NAA11: variants seen among roughly 807,000 people sequenced by gnomAD.
NAA11 encodes N-alpha-acetyltransferase 11.
A neutral mutation model predicts 16.1 loss-of-function variants in NAA11; 15 were observed. That is an observed-to-expected ratio of 0.93 (90% CI 0.62 to 1.44). The LOEUF (loss-of-function observed/expected upper bound fraction) is 1.44. NAA11 is among the 40% of genes most tolerant of loss of function. The pLI, the probability that NAA11 is intolerant of heterozygous loss-of-function variation, is 0.00. For synonymous variants in NAA11, 122 were observed against 112.4 expected, an observed-to-expected ratio of 1.09 and a Z score of -0.54; for missense variants, 298 against 291.3, an observed-to-expected ratio of 1.02 and a Z score of -0.17.
At chr4:79,216,696 A>G in the NAA11 span, among the ~76,000 whole-genome samples, 1,063 of 152,288 alleles carry the variant, frequency 7.0e-3, 7 homozygotes, top group Middle Eastern at 0.037. Context: ...CAGCAAATAA[A>G]AAGAAAATCT....
intron 1 of NAA11, among the ~76,000 whole-genome samples, chr4:79,319,094 T>C (rs1368164787): frequency 6.6e-6 from 1 of 152,160 alleles, no homozygotes; most frequent in Non-Finnish European, 1.5e-5. Flanking sequence ...CGCTGGCTAA[T>C]GTTTTTTAGT....
At chr4:79,212,938 T>G in the NAA11 span, among the ~76,000 whole-genome samples, 2 of 152,136 alleles carry the variant, frequency 1.3e-5, no homozygotes, top group Admixed American at 6.6e-5. Flanking sequence ...CCATAAAGCT[T>G]TATCTTATCT....
At chr4:79,186,181 C>A in the NAA11 span, among the ~76,000 whole-genome samples, 1 of 152,092 alleles carries the variant, frequency 6.6e-6, no homozygotes, top group Non-Finnish European at 1.5e-5. Flanking sequence ...AAAGGTGTTC[C>A]CCCCGCCTCC....
At position 79,317,667 on chromosome 4, in the gene NAA11, T is replaced by C. The variant is rs577435111; in HGVS notation, c.*137A>G. ...AGGATATGTGAAAGGTGGTTGTTTATAGAGTTAAGAGTGAGAAGCCATTCT... is the reference window on the plus strand; with the variant it reads ...AGGATATGTGAAAGGTGGTTGTTTACAGAGTTAAGAGTGAGAAGCCATTCT... On this transcript the variant is annotated 3_prime_UTR_variant, in exon 2 of 2. Coordinates refer to ENST00000286794, the MANE Select transcript of NAA11 (RefSeq NM_032693.3). 2 of 152,328 alleles carry C rather than the reference T, an allele frequency of 1.3e-5. No homozygotes were observed. Among genetic ancestry groups the C allele is most frequent in the East Asian group, 1.9e-4 (1 of 5,178 alleles). 9.4% of individuals were successfully genotyped at this position (152,328 alleles called of 1,614,324 possible). A position where few individuals can be genotyped will look rare whatever the true frequency, so the allele number is the denominator to read the frequency against.
At chr4:79,319,084 C>T (rs1041548585) in intron 1 of NAA11, among the ~76,000 whole-genome samples, 6 of 152,094 alleles carry the variant, frequency 3.9e-5, no homozygotes, top group East Asian at 3.9e-4. Context: ...TACACCACCA[C>T]GCTGGCTAAT....
the NAA11 span, among the ~76,000 whole-genome samples, chr4:79,193,075 GT>G: frequency 3.3e-5 from 5 of 151,660 alleles, no homozygotes; most frequent in African/African-American, 7.3e-5. Flanking sequence ...TGATGGGGTT[GT>G]TTTTTTCTTG....
chr4:79,254,578 G>A (rs1015506088), intron 2 of NAA11, among the ~76,000 whole-genome samples: 3 of 150,892 alleles, frequency 2.0e-5, no homozygotes, highest in Admixed American at 2.0e-4. Flanking sequence ...GAATTAATTT[G>A]TGAATAAGAT....
At chr4:79,273,007 G>A (rs1468183441) in intron 2 of NAA11, among the ~76,000 whole-genome samples, 1 of 151,862 alleles carries the variant, frequency 6.6e-6, no homozygotes, top group East Asian at 1.9e-4. Flanking sequence ...GCTCTTACAT[G>A]GCATTTGGCT....
intron 1 of NAA11, among the ~76,000 whole-genome samples, chr4:79,311,389 C>T (rs1723765255): frequency 6.6e-6 from 1 of 151,984 alleles, no homozygotes; most frequent in South Asian, 2.1e-4. Flanking sequence ...TTTTTTTCAC[C>T]TTGCCTTTAT....
the NAA11 span, chr4:79,197,590 G>C: frequency 7.9e-5 from 12 of 152,038 alleles, no homozygotes; most frequent in African/African-American, 2.9e-4. Flanking sequence ...CTGCTCCCTA[G>C]CCTGGATAAC....
At chr4:79,263,416 A>G (rs1031251736) in intron 2 of NAA11, among the ~76,000 whole-genome samples, 2 of 152,214 alleles carry the variant, frequency 1.3e-5, no homozygotes, top group African/African-American at 2.4e-5. Flanking sequence ...GAGTTCCTGA[A>G]CAGCAGGCAG....
chr4:79,319,697 T>C (rs375747439), intron 1 of NAA11, among the ~76,000 whole-genome samples: 7 of 152,224 alleles, frequency 4.6e-5, no homozygotes, highest in African/African-American at 1.7e-4. Context: ...ATCTGATTAG[T>C]ATTTCAAAAC....
chr4:79,174,721 C>T, the NAA11 span, among the ~76,000 whole-genome samples: 1 of 152,116 alleles, frequency 6.6e-6, no homozygotes, highest in South Asian at 2.1e-4. Flanking sequence ...TATAAAACAT[C>T]TGTGAATTCT....
At chr4:79,272,073 A>AAC (rs773662807) in intron 2 of NAA11, among the ~76,000 whole-genome samples, 1 of 151,938 alleles carries the variant, frequency 6.6e-6, no homozygotes, top group Admixed American at 6.6e-5. Context: ...ATACATATAC[A>AAC]ACACACACAT....
At chr4:79,268,815 A>G (rs1447650987) in intron 2 of NAA11, among the ~76,000 whole-genome samples, 3 of 149,534 alleles carry the variant, frequency 2.0e-5, no homozygotes, top group African/African-American at 4.9e-5. Flanking sequence ...CTCGTTATCT[A>G]GCATTAGGTA....
chr4:79,267,132 C>A (rs1722372213), intron 2 of NAA11, among the ~76,000 whole-genome samples: 1 of 152,134 alleles, frequency 6.6e-6, no homozygotes, highest in Non-Finnish European at 1.5e-5. Context: ...TATTTCATAA[C>A]CTTCTTCCTG....
chr4:79,249,107 G>A lies in NAA11; in HGVS notation c.*123-22837C>T, dbSNP rs894281001. ...GCCCCAGAGTCCTGAGCGGAGCCCT[G>A]GGCCCCTAAAATCTTCCAGAAAGGA... is the stretch of plus-strand genomic sequence containing the variant. On this transcript the variant is annotated intron_variant and NMD_transcript_variant, in intron 2 of 2. Coordinates refer to the NAA11 transcript ENST00000511542. 3.3e-5 allele frequency among the ~76,000 whole-genome samples: 5 copies of A among 152,254 alleles called. No homozygotes were observed. In the East Asian group the frequency reaches 7.7e-4, roughly 24 times the overall value.
At chr4:79,257,994 C>T (rs1722158272) in intron 2 of NAA11, among the ~76,000 whole-genome samples, 1 of 152,190 alleles carries the variant, frequency 6.6e-6, no homozygotes, top group South Asian at 2.1e-4. Context: ...CATATGATAA[C>T]AGTAGTGGCC....
the NAA11 span, among the ~76,000 whole-genome samples, chr4:79,185,746 T>G: frequency 6.6e-6 from 1 of 152,182 alleles, no homozygotes; most frequent in South Asian, 2.1e-4. Flanking sequence ...CTTTGAGTTA[T>G]TCCATCTGTG....
Sources: allele counts gnomAD v4.1 joint callset (sites outside exome capture counted in the v4.1 genomes callset), GRCh38; gene constraint gnomAD v4.1.1; transcripts MANE v1.5; gene names NCBI Gene and HGNC (gene_info 2026-07-23, HGNC 2026-07-21).